The following FBXO16 variants were observed in gnomAD, a reference collection of about 807,000 sequenced individuals.
The protein encoded by FBXO16 is F-box protein 16.
In FBXO16, 31 loss-of-function variants were observed where a neutral mutation model predicts 41.0. That is an observed-to-expected ratio of 0.76 (90% confidence interval 0.57 to 1.02). The LOEUF (loss-of-function observed/expected upper bound fraction) is 1.02. FBXO16 is among the 50% of genes least tolerant of loss of function. The pLI is 0.00. For synonymous variants in FBXO16, 133 were observed against 117.8 expected (o/e 1.13, Z -0.84); for missense variants, 361 against 346.2 (o/e 1.04, Z -0.34).
intron 2 of FBXO16, among the ~76,000 whole-genome samples, chr8:28,481,361 A>G (rs1310471846): frequency 6.6e-6 from 1 of 152,170 alleles, no homozygotes; most frequent in Admixed American, 6.5e-5. Flanking sequence ...CTGGAAGTAG[A>G]TAAGCGGGTG....
At chr8:28,487,685 G>C (rs1319812459) in intron 1 of FBXO16, among the ~76,000 whole-genome samples, 1 of 151,974 alleles carries the variant, frequency 6.6e-6, no homozygotes, top group African/African-American at 2.4e-5. Flanking sequence ...GTGAGCTGCT[G>C]CGCCCAGCTA....
In FBXO16 at chr8:28,441,949, T is replaced by G. The variant is rs1176476093; in HGVS notation, c.843+5222A>C. Among the ~76,000 whole-genome samples, 3 of 127,914 alleles carry G rather than the reference T, an allele frequency of 2.3e-5. No homozygotes were observed. The South Asian group carries it at 6.9e-4, about 29-fold the overall frequency. The allele number at this position is 127,914 out of a possible 152,430, so 83.9% of individuals were successfully genotyped here. A position where few individuals can be genotyped will look rare whatever the true frequency, so the allele number is the denominator to read the frequency against. ...GTGTGTGTGTGTGTGTGTGTGTATT[T>G]TTTTTTTTTTTTTTGAGACAGTCTT... On this transcript the variant is annotated intron_variant, in intron 7 of 8. Coordinates refer to ENST00000380254, the MANE Select transcript of FBXO16 (RefSeq NM_172366.4).
intron 2 of FBXO16, among the ~76,000 whole-genome samples, chr8:28,475,285 T>C (rs1803406459): frequency 6.6e-6 from 1 of 152,226 alleles, no homozygotes; most frequent in African/African-American, 2.4e-5. Context: ...TTGAAATAAC[T>C]GGTTCAACCA....
rs1331232842 is a variant in FBXO16, at chr8:28,441,906, ATATATG to A, written c.843+5259_843+5264del. ...TATATATAAACTCCACAGTGTATAT[ATATATG>A]TGTGTGTGTGTGTGTGTGTGTGTGT... On this transcript the variant is annotated intron_variant, in intron 7 of 8. Coordinates refer to ENST00000380254, the MANE Select transcript of FBXO16 (RefSeq NM_172366.4). Among the ~76,000 whole-genome samples, 42 of 139,460 alleles carry A rather than the reference ATATATG, an allele frequency of 3.0e-4. 1 individual carries two copies. Among genetic ancestry groups the A allele is most frequent in the African/African-American group, 6.5e-4 (23 of 35,536 alleles). The allele number at this position is 139,460 out of a possible 152,430, so 91.5% of individuals were successfully genotyped here. A position where few individuals can be genotyped will look rare whatever the true frequency, so the allele number is the denominator to read the frequency against.
At chr8:28,435,561 G>C (rs1301041248) in intron 7 of FBXO16, among the ~76,000 whole-genome samples, 1 of 152,090 alleles carries the variant, frequency 6.6e-6, no homozygotes, top group Non-Finnish European at 1.5e-5. Context: ...CCCCACAGTT[G>C]GGTGGTTTCT....
At chr8:28,470,387 A>C (rs138844031) in intron 3 of FBXO16, among the ~76,000 whole-genome samples, 111 of 152,338 alleles carry the variant, frequency 7.3e-4, no homozygotes, top group African/African-American at 2.6e-3. Context: ...GGAAGAAAGA[A>C]AAAGGAGGAG....
Position 28,474,530 on chromosome 8 carries a change from A to T in FBXO16, c.100-723T>A, listed in dbSNP as rs1208307315. Among the ~76,000 whole-genome samples the T allele has an allele frequency of 2.0e-5, 3 of 152,216 alleles. No individual in the cohort carries two copies. In the South Asian group the frequency reaches 6.2e-4, roughly 32 times the overall value. On this transcript the variant is annotated intron_variant, in intron 2 of 8. Transcript: ENST00000380254. ...AAACTCCCCCATCTGAAATGTTTCAATATTAATAGTATGAGAATTTACAAA... is the reference window on the plus strand; with the variant it reads ...AAACTCCCCCATCTGAAATGTTTCATTATTAATAGTATGAGAATTTACAAA...
intron 6 of FBXO16, among the ~76,000 whole-genome samples, chr8:28,450,706 T>C (rs551400574): frequency 1.2e-4 from 19 of 152,326 alleles, no homozygotes; most frequent in African/African-American, 4.3e-4. Context: ...TACCTCAGCC[T>C]TTCTTGTACC....
intron 7 of FBXO16, among the ~76,000 whole-genome samples, chr8:28,435,741 G>A (rs1205607103): frequency 2.6e-5 from 4 of 152,158 alleles, no homozygotes; most frequent in Non-Finnish European, 5.9e-5. Flanking sequence ...AATAGGTGAA[G>A]GGTGGGGATC....
chr8:28,484,525 G>A (rs184914241), intron 1 of FBXO16, among the ~76,000 whole-genome samples: 65 of 152,286 alleles, frequency 4.3e-4, no homozygotes, highest in Non-Finnish European at 4.0e-4. Context: ...GCCAAGAGAT[G>A]GTCATGAGAC....
At chr8:28,430,838 G>C (rs1363295625) in intron 7 of FBXO16, among the ~76,000 whole-genome samples, 1 of 152,150 alleles carries the variant, frequency 6.6e-6, no homozygotes, top group Admixed American at 6.5e-5. Context: ...TGGGCATGGT[G>C]GTGGGTGCCT....
chr8:28,463,492 G>C, intron 4 of FBXO16, 120 bp downstream of exon 4: 1 of 927,554 alleles, frequency 1.1e-6, no homozygotes, highest in Non-Finnish European at 1.6e-6. Flanking sequence ...GTGTGTTTGT[G>C]TGTATGTGTA....
At chr8:28,441,631 G>T (rs896517826) in intron 7 of FBXO16, among the ~76,000 whole-genome samples, 3 of 151,342 alleles carry the variant, frequency 2.0e-5, no homozygotes, top group Non-Finnish European at 4.4e-5. Context: ...AGCTACTCAG[G>T]AGGCTGAGGC....
At chr8:28,460,420 C>T (rs1338278954) in intron 4 of FBXO16, among the ~76,000 whole-genome samples, 2 of 85,828 alleles carry the variant, frequency 2.3e-5, no homozygotes, top group Admixed American at 1.3e-4. Flanking sequence ...CTATACCTGG[C>T]TAATTTTTTT....
rs142017078 is a variant in FBXO16, at chr8:28,463,438, ATGTG to A, written c.342+170_342+173del. 3.3e-5 allele frequency among the ~76,000 whole-genome samples: 5 copies of A among 150,872 alleles called. No homozygotes were observed. The East Asian group carries it at 7.9e-4, about 24-fold the overall frequency. On this transcript the variant is annotated intron_variant, in intron 4 of 8. Transcript: ENST00000380254. The stretch of plus-strand genomic sequence containing the variant: ...TGTATATGTATGTGTGTATATGTGT[ATGTG>A]TGTGTTTATGAGTATATGTGTGTCT...
chr8:28,433,622 T>C (rs893962771), intron 7 of FBXO16, among the ~76,000 whole-genome samples: 1 of 152,198 alleles, frequency 6.6e-6, no homozygotes, highest in African/African-American at 2.4e-5. Context: ...GGGCTGTATC[T>C]TATGATTATC....
intron 4 of FBXO16, among the ~76,000 whole-genome samples, chr8:28,462,066 A>G (rs1460759936): frequency 6.6e-6 from 1 of 151,934 alleles, no homozygotes; most frequent in Non-Finnish European, 1.5e-5. Context: ...CAGCCTCCCA[A>G]GTAGCTGGGA....
chr8:28,451,380 GT>G (rs67171132), intron 6 of FBXO16, among the ~76,000 whole-genome samples: 79,750 of 138,428 alleles, frequency 0.58, 21,788 homozygotes, highest in Middle Eastern at 0.6. Flanking sequence ...CTTTGTTGTT[GT>G]TTTTTTTTTT....
chr8:28,437,550 C>G (rs1055525219), intron 7 of FBXO16, among the ~76,000 whole-genome samples: 1 of 152,196 alleles, frequency 6.6e-6, no homozygotes, highest in Middle Eastern at 3.2e-3. Flanking sequence ...AACACACATG[C>G]ATTCTTCAGT....
Sources: allele counts gnomAD v4.1 joint callset (sites outside exome capture counted in the v4.1 genomes callset), GRCh38; gene constraint gnomAD v4.1.1; transcripts MANE v1.5; gene names NCBI Gene and HGNC (gene_info 2026-07-23, HGNC 2026-07-21).